The following DDX4 variants were observed in gnomAD, a reference collection of about 807,000 sequenced individuals.
DDX4 encodes the protein probable ATP-dependent RNA helicase DDX4.
Under a neutral mutation model 100.0 loss-of-function variants are expected in DDX4, and 25 were observed. The observed-to-expected ratio is 0.25, with a 90% confidence interval of 0.18 to 0.35. The LOEUF is 0.35. DDX4 is among the 10% of genes least tolerant of loss of function. The pLI is 1.00. For synonymous variants in DDX4, 259 were observed against 275.7 expected (o/e 0.94, Z 0.60); for missense variants, 635 against 882.4 (o/e 0.72, Z 3.55).
intron 17 of DDX4, among the ~76,000 whole-genome samples, chr5:55,796,034 C>G (rs115974106): frequency 1.6e-3 from 239 of 152,260 alleles, no homozygotes; most frequent in African/African-American, 5.5e-3. Flanking sequence ...TCCAAAGAAC[C>G]TGGAGTATGA....
chr5:55,778,438 AG>A (rs1297899911), intron 7 of DDX4, among the ~76,000 whole-genome samples: 1 of 152,338 alleles, frequency 6.6e-6, no homozygotes, highest in East Asian at 1.9e-4. Context: ...TTCTTTTCTC[AG>A]AAAAAATAAT....
intron 5 of DDX4, 51 bp from the exon 6 acceptor site, chr5:55,763,963 C>A: frequency 1.5e-6 from 2 of 1,320,600 alleles, no homozygotes; most frequent in Non-Finnish European, 2.2e-6. Flanking sequence ...GTGTGGTTAT[C>A]ATTTTTACCA....
intron 3 of DDX4, among the ~76,000 whole-genome samples, chr5:55,749,301 G>A (rs899192928): frequency 1.3e-5 from 2 of 152,102 alleles, no homozygotes; most frequent in Non-Finnish European, 2.9e-5. Flanking sequence ...GCGTGGTGAT[G>A]TGCACCTGTA....
intron 18 of DDX4, among the ~76,000 whole-genome samples, chr5:55,806,302 G>T (rs1743710626): frequency 6.6e-6 from 1 of 151,748 alleles, no homozygotes; most frequent in Admixed American, 6.6e-5. Flanking sequence ...TTTTTGAAGG[G>T]TTTTTTTTGT....
intron 10 of DDX4, among the ~76,000 whole-genome samples, chr5:55,784,762 C>T (rs1742143890): frequency 6.6e-6 from 1 of 152,210 alleles, no homozygotes; most frequent in Non-Finnish European, 1.5e-5. Context: ...TAATACTCTT[C>T]TCTGGTAGAG....
intron 15 of DDX4, among the ~76,000 whole-genome samples, chr5:55,790,033 A>G (rs2112041791): frequency 6.6e-6 from 1 of 152,200 alleles, no homozygotes; most frequent in East Asian, 1.9e-4. Flanking sequence ...TAAATCAAGT[A>G]AAAGATCTCA....
At chr5:55,756,149 G>C (rs966866855) in intron 3 of DDX4, among the ~76,000 whole-genome samples, 1 of 151,952 alleles carries the variant, frequency 6.6e-6, no homozygotes, top group East Asian at 1.9e-4. Context: ...TGTTATGAGT[G>C]GTTCTCTTAA....
chr5:55,816,732 T>A lies in DDX4; in HGVS notation c.*192T>A. The stretch of plus-strand genomic sequence containing the variant: ...CTAAAACTTACAACATTGCAGTTAC[T>A]GATACAAATGGTGTTAACTGGGAAT... On this transcript the variant is annotated 3_prime_UTR_variant, in exon 22 of 22. Transcript: ENST00000505374. The A allele has an allele frequency of 1.1e-6, 1 of 918,792 alleles. No individual in the cohort carries two copies. The highest frequency in any genetic ancestry group is 1.5e-6 in the Non-Finnish European group (1 of 650,424). The allele number at this position is 918,792 out of a possible 1,614,324, so 56.9% of individuals were successfully genotyped here.
chr5:55,770,863 C>T (rs1450438971), intron 7 of DDX4, among the ~76,000 whole-genome samples: 1 of 152,082 alleles, frequency 6.6e-6, no homozygotes, highest in Admixed American at 6.6e-5. Flanking sequence ...TAAAACATAG[C>T]TCATATTTGA....
intron 10 of DDX4, 46 bp downstream of exon 10, chr5:55,782,027 T>C: frequency 6.2e-7 from 1 of 1,605,106 alleles, no homozygotes; most frequent in East Asian, 2.2e-5. Flanking sequence ...AATCATTGTA[T>C]TCCAAATTTA....
intron 8 of DDX4, among the ~76,000 whole-genome samples, chr5:55,780,493 G>A (rs755565144): frequency 4.4e-4 from 67 of 152,166 alleles, no homozygotes; most frequent in Non-Finnish European, 7.2e-4. Context: ...GAATGTATGT[G>A]CCTCTTAACA....
At position 55,763,247 on chromosome 5, in the gene DDX4, A is replaced by G. The variant is rs1474979572; in HGVS notation, c.278A>G (p.Asn93Ser). The change falls in exon 5 of 22, where the codon AAC becomes AGC. Residue 93 changes from asparagine (N) to serine (S), a missense_variant. Physicochemically the swap from Asn to Ser is conservative, Grantham distance 46 (BLOSUM62 1). Around this residue, in one of 4 missense-constraint regions of DDX4, gnomAD observed 446 missense variants for 540.8 expected, o/e 0.82. Coordinates refer to ENST00000505374, the MANE Select transcript of DDX4 (RefSeq NM_024415.3). The part of the protein sequence containing the change: ...GGFGVGKSFG[N>S]RGFSNSRFED... ...TTTGGAGTTGGAAAGAGTTTTGGAA[A>G]CAGAGGTAATTACTTGGTTATGATA... 5.6e-6 allele frequency: 9 copies of G among 1,600,226 alleles called. No homozygotes were observed. Among genetic ancestry groups the G allele is most frequent in the Non-Finnish European group, 2.6e-6 (3 of 1,167,670 alleles).
chr5:55,815,562 A>C, intron 21 of DDX4, 139 bp downstream of exon 21: 1 of 1,236,664 alleles, frequency 8.1e-7, no homozygotes, highest in Non-Finnish European at 1.0e-6. Flanking sequence ...TTATTATTTC[A>C]TTAACATTTT....
chr5:55,811,030 T>C (rs1296015866), intron 18 of DDX4, among the ~76,000 whole-genome samples: 1 of 151,816 alleles, frequency 6.6e-6, no homozygotes, highest in Non-Finnish European at 1.5e-5. Context: ...GTCTTTTTTT[T>C]TTTTTAAACA....
intron 18 of DDX4, among the ~76,000 whole-genome samples, chr5:55,812,343 C>T (rs928677817): frequency 6.6e-6 from 1 of 152,116 alleles, no homozygotes; most frequent in Non-Finnish European, 1.5e-5. Flanking sequence ...GGGCGGATCA[C>T]GAGGTTAGGA....
intron 3 of DDX4, among the ~76,000 whole-genome samples, chr5:55,758,510 C>T (rs1275119851): frequency 6.6e-6 from 1 of 152,050 alleles, no homozygotes; most frequent in Non-Finnish European, 1.5e-5. Flanking sequence ...ACCTGTAAAA[C>T]CCGATCTCTC....
intron 3 of DDX4, among the ~76,000 whole-genome samples, chr5:55,746,548 G>T (rs554878146): frequency 6.6e-6 from 1 of 152,290 alleles, no homozygotes. Context: ...GGACTATAAG[G>T]TTGTCGAAGC....
chr5:55,783,572 C>T (rs147640705), intron 10 of DDX4, among the ~76,000 whole-genome samples: 205 of 151,980 alleles, frequency 1.3e-3, no homozygotes, highest in African/African-American at 4.7e-3. Flanking sequence ...AAGGCTGTTC[C>T]TTGGCTAGTG....
chr5:55,795,432 C>T lies in DDX4; in HGVS notation c.1469+2625C>T, dbSNP rs1173323557. Among the ~76,000 whole-genome samples, 3 of 152,122 alleles carry T rather than the reference C, an allele frequency of 2.0e-5. No homozygotes were observed. The East Asian group carries it at 5.8e-4, about 29-fold the overall frequency. On this transcript the variant is annotated intron_variant, in intron 17 of 21. Transcript: ENST00000505374. Reference sequence around the variant, plus strand: ...CTTTTAAAGCCAGAATTGTTTGAATCGTGGTGATTCTTCTCTCACAGTCTT... The same window carrying T: ...CTTTTAAAGCCAGAATTGTTTGAATTGTGGTGATTCTTCTCTCACAGTCTT...
Sources: allele counts gnomAD v4.1 joint callset (sites outside exome capture counted in the v4.1 genomes callset), GRCh38; gene constraint gnomAD v4.1.1; regional missense constraint gnomAD v4.1.1; transcripts MANE v1.5; gene names NCBI Gene and HGNC (gene_info 2026-07-23, HGNC 2026-07-21).